The following CEP152 variants were observed in gnomAD, a reference collection of about 807,000 sequenced individuals.
CEP152 encodes the protein centrosomal protein 152.
In CEP152, 132 loss-of-function variants were observed where a neutral mutation model predicts 188.9. The ratio of observed to expected loss-of-function variants is 0.70; its 90% CI spans 0.61 to 0.81. The LOEUF is 0.81. CEP152 is among the 30% of genes least tolerant of loss of function. The pLI, the probability that CEP152 is intolerant of heterozygous loss-of-function variation, is 0.00. For synonymous variants in CEP152, 649 were observed against 666.6 expected (o/e 0.97, Z 0.41); for missense variants, 1,914 against 1,969.8 (o/e 0.97, Z 0.54).
intron 17 of CEP152, chr15:48,765,742 C>T: frequency 1.4e-5 from 5 of 353,926 alleles, no homozygotes; most frequent in South Asian, 8.8e-5. Context: ...CAAGCTCCGC[C>T]TCCCGGGTTC....
Position 48,756,311 on chromosome 15 carries a change from G to A in CEP152, c.2937C>T (p.Tyr979=). 2 of 1,575,284 alleles carry A rather than the reference G, an allele frequency of 1.3e-6. No homozygotes were observed. The highest frequency in any genetic ancestry group is 8.6e-7 in the Non-Finnish European group (1 of 1,163,852). ...TTCGGTGATCATCTAAAAATTGCCG[G>A]TAATCTTGCTCATTTTGTTCTTGGA... ...HRIQEQNEQD[Y]RQFLDDHRNK... Residue 979 remains tyrosine (Y), a synonymous_variant, in exon 20 of 27, where the codon TAC becomes TAT. Coordinates refer to ENST00000380950, the MANE Select transcript of CEP152 (RefSeq NM_001194998.2).
At chr15:48,760,020 T>A in intron 19 of CEP152, 115 bp downstream of exon 19, 1 of 1,335,380 alleles carries the variant, frequency 7.5e-7, no homozygotes, top group Non-Finnish European at 1.1e-6. Flanking sequence ...TTAACATGTA[T>A]CAACATGTTT....
At chr15:48,762,747 A>G in intron 17 of CEP152, 75 bp from the exon 18 acceptor site, 1 of 1,429,980 alleles carries the variant, frequency 7.0e-7, no homozygotes, top group South Asian at 1.2e-5. Flanking sequence ...AGCTAGCCAG[A>G]AAAGCAACCA....
chr15:48,730,992 C>G (rs577585727), intron 2 of CEP152, among the ~76,000 whole-genome samples: 1 of 152,246 alleles, frequency 6.6e-6, no homozygotes, highest in African/African-American at 2.4e-5. Flanking sequence ...AAGAAAAAAG[C>G]TGTCAAGAAA....
At position 48,744,311 on chromosome 15, in the gene CEP152, C is replaced by T. The variant is rs1467228127; in HGVS notation, c.3764G>A (p.Cys1255Tyr). The T allele has an allele frequency of 3.1e-6, 5 of 1,614,018 alleles. No homozygotes were observed. Among genetic ancestry groups the T allele is most frequent in the Non-Finnish European group, 4.2e-6 (5 of 1,179,966 alleles). ...CAAGGCTCCCCCACTGCATGGCAGG[C>T]AAGCATTTTCAATGGCCCCTGCTGA... The part of the protein sequence containing the change: ...SLSAGAIENA[C>Y]LPCSGGALEE... Residue 1255 changes from cysteine (C) to tyrosine (Y), a missense_variant, in exon 24 of 27, where the codon TGC becomes TAC. Physicochemically the swap from Cys to Tyr is radical, Grantham distance 194. Coordinates refer to ENST00000380950, the MANE Select transcript of CEP152 (RefSeq NM_001194998.2).
At chr15:48,765,947 C>T (rs570867945) in intron 17 of CEP152, among the ~76,000 whole-genome samples, 5 of 151,898 alleles carry the variant, frequency 3.3e-5, no homozygotes, top group Non-Finnish European at 7.4e-5. Flanking sequence ...CCACTGTGCC[C>T]GGCCGCCAAT....
chr15:48,796,611 T>C (rs1897316307), intron 5 of CEP152, among the ~76,000 whole-genome samples: 1 of 152,116 alleles, frequency 6.6e-6, no homozygotes, highest in African/African-American at 2.4e-5. Flanking sequence ...GGATGAATAA[T>C]AACATTCTAC....
intron 1 of CEP152, among the ~76,000 whole-genome samples, chr15:48,806,874 T>C (rs1898015262): frequency 6.6e-6 from 1 of 152,230 alleles, no homozygotes; most frequent in African/African-American, 2.4e-5. Context: ...ACGCAGTCTA[T>C]GTTGTAGATA....
intron 11 of CEP152, among the ~76,000 whole-genome samples, 199 bp downstream of exon 11, chr15:48,781,940 A>G (rs1232958124): frequency 6.6e-6 from 1 of 152,192 alleles, no homozygotes; most frequent in Non-Finnish European, 1.5e-5. Context: ...CAGGAAGTGC[A>G]GGGCCTTGGC....
At chr15:48,767,506 C>G (rs8037266) in intron 15 of CEP152, 43 bp from the exon 16 acceptor site, 2 of 1,613,338 alleles carry the variant, frequency 1.2e-6, no homozygotes, top group East Asian at 2.2e-5. Flanking sequence ...AGTCTCACTA[C>G]GAACACCAAA....
intron 23 of CEP152, among the ~76,000 whole-genome samples, 173 bp from the exon 24 acceptor site, chr15:48,744,516 A>G (rs1441956461): frequency 6.6e-6 from 1 of 152,268 alleles, no homozygotes; most frequent in Non-Finnish European, 1.5e-5. Context: ...TGGAAACAAC[A>G]TAAATGTTAT....
intron 8 of CEP152, among the ~76,000 whole-genome samples, chr15:48,790,846 G>C (rs1744143593): frequency 6.6e-6 from 1 of 152,186 alleles, no homozygotes; most frequent in African/African-American, 2.4e-5. Context: ...GGGATTACAG[G>C]CGTGAGCCAC....
chr15:48,738,724 T>C lies in CEP152; in HGVS notation c.4658A>G (p.Gln1553Arg). The change falls in exon 27 of 27, where the codon CAA becomes CGA. Residue 1553 changes from glutamine (Q) to arginine (R), a missense_variant. Coordinates refer to ENST00000380950, the MANE Select transcript of CEP152 (RefSeq NM_001194998.2). ...TGGAGGTTCCTGAACATCCAAACCT[T>C]GACTTTTCTCAGATGCAGCATTTTC... Reference protein sequence around the residue: ...ESENAASEKSQGLDVQEPPVK... With the variant: ...ESENAASEKSRGLDVQEPPVK... The C allele has an allele frequency of 6.2e-7, 1 of 1,614,180 alleles. No individual in the cohort carries two copies. Among genetic ancestry groups the C allele is most frequent in the Non-Finnish European group, 8.5e-7 (1 of 1,180,014 alleles).
In CEP152 at chr15:48,788,992, T is replaced by G. The variant is rs201942310; in HGVS notation, c.982A>C (p.Lys328Gln). The change falls in exon 9 of 27, where the codon AAG (lysine) becomes CAG (glutamine). Residue 328 changes from lysine to glutamine, a missense_variant. Transcript: ENST00000380950. The part of the protein sequence containing the change: ...LKVNEEQMIK[K>Q]SRTTEMALES... ...AGAGCCATTTCAGTTGTTCTGGACT[T>G]CTTGATCATCTAGTAAATACACACA... The G allele has an allele frequency of 2.1e-4, 340 of 1,613,904 alleles. 2 individuals are homozygous for G. The African/African-American group carries it at 4.1e-3, about 19-fold the overall frequency.
At chr15:48,776,607 G>T (rs192912782) in intron 12 of CEP152, among the ~76,000 whole-genome samples, 4 of 152,112 alleles carry the variant, frequency 2.6e-5, no homozygotes, top group African/African-American at 9.6e-5. Flanking sequence ...TTTAAACAGC[G>T]ATTTAGTAGC....
At chr15:48,777,963 T>C (rs1896025970) in intron 12 of CEP152, among the ~76,000 whole-genome samples, 2 of 152,224 alleles carry the variant, frequency 1.3e-5, no homozygotes, top group Non-Finnish European at 2.9e-5. Flanking sequence ...AAAGGCTCAC[T>C]ACTGAGTCCC....
chr15:48,770,926 C>T (rs1188137216), intron 13 of CEP152, among the ~76,000 whole-genome samples: 2 of 151,522 alleles, frequency 1.3e-5, no homozygotes, highest in Non-Finnish European at 2.9e-5. Flanking sequence ...CATACTTTAG[C>T]AGAACTGTTC....
chr15:48,764,326 C>T (rs765193736), intron 17 of CEP152, among the ~76,000 whole-genome samples: 57 of 152,052 alleles, frequency 3.7e-4, no homozygotes, highest in Non-Finnish European at 7.4e-4. Flanking sequence ...ATAAGTGTAT[C>T]TTGGTACTTT....
rs370253625 is a variant in CEP152 at position 48,742,069 on chromosome 15, C to T, written c.3867G>A (p.Lys1289=). ...CTTTTACCATTTCTGCAGCTCGTTC[C>T]TTACTCTCCTGAATATAACGAAGCA... ...CDMLRYIQES[K]ERAAEMVKAE... is the part of the protein sequence containing the mutation. The change falls in exon 25 of 27, where the codon AAG becomes AAA. Residue 1289 remains lysine, a synonymous_variant. Coordinates refer to ENST00000380950, the MANE Select transcript of CEP152 (RefSeq NM_001194998.2). 154 of 1,614,076 alleles carry T rather than the reference C, an allele frequency of 9.5e-5. No individual in the cohort carries two copies. The highest frequency in any genetic ancestry group is 1.2e-4 in the Admixed American group (7 of 60,022).
Sources: gnomAD v4.1 joint callset for allele counts (sites outside exome capture counted in the v4.1 genomes callset) on GRCh38, gnomAD v4.1.1 for gene constraint, MANE v1.5 for transcripts, NCBI Gene and HGNC (gene_info 2026-07-23, HGNC 2026-07-21) for gene names.